RDH16: variants seen among roughly 807,000 people sequenced by gnomAD.
RDH16 encodes the protein retinol dehydrogenase 16.
Under a neutral mutation model 22.3 loss-of-function variants are expected in RDH16, and 25 were observed. The ratio of observed to expected loss-of-function variants is 1.12; its 90% CI spans 0.82 to 1.56. RDH16 has a LOEUF of 1.56. Ranked by LOEUF, RDH16 falls within the 40% of genes most tolerant of loss-of-function variation. The pLI, the probability that RDH16 is intolerant of heterozygous loss-of-function variation, is 0.00. For synonymous variants in RDH16, 154 were observed against 164.4 expected (o/e 0.94, Z 0.48); for missense variants, 413 against 394.9 (o/e 1.05, Z -0.39).
At position 56,954,937 on chromosome 12, in the gene RDH16, A is replaced by G. The variant is rs1411321770; in HGVS notation, c.541T>C (p.Tyr181His). The G allele has an allele frequency of 7.4e-6, 12 of 1,614,056 alleles. No individual in the cohort carries two copies. The highest frequency in any genetic ancestry group is 7.6e-6 in the Non-Finnish European group (9 of 1,180,040). The change falls in exon 2 of 4, where the codon TAT becomes CAT. Residue 181 changes from tyrosine to histidine, a missense_variant. Tyr to His is a moderately conservative substitution (Grantham distance 83). Transcript: ENST00000398138. ...GAGTCAGAGAAGGCTTCCACGCCATACTTGGAGATGCAGTAGCCTCCACCA... is the reference window on the plus strand; with the variant it reads ...GAGTCAGAGAAGGCTTCCACGCCATGCTTGGAGATGCAGTAGCCTCCACCA... ...LFGGGYCISK[Y>H]GVEAFSDSLR...
In RDH16 at chr12:56,951,885, T is replaced by C. The variant is rs114061969; in HGVS notation, c.*144A>G. ...AGAGCAGAATTATCTCCCAGGAGAA[T>C]CATGGCCAGGAGGTAATGAAGGAGG... On this transcript the variant is annotated 3_prime_UTR_variant, in exon 4 of 4. Transcript: ENST00000398138. The C allele has an allele frequency of 3.7e-4, 239 of 649,436 alleles. 2 individuals are homozygous for C. The African/African-American group carries it at 3.7e-3, about 10-fold the overall frequency. 40.2% of individuals were successfully genotyped at this position (649,436 alleles called of 1,614,324 possible).
Position 56,957,380 on chromosome 12 carries a change from C to T in RDH16, c.83G>A (p.Arg28Lys), listed in dbSNP as rs773231549. Reference protein sequence around the residue: ...YRERQVLSHLRDKYVFITGCD... With the variant: ...YRERQVLSHLKDKYVFITGCD... The stretch of plus-strand genomic sequence containing the variant: ...GCCCGTGATGAACACATACTTATCT[C>T]TCAGGTGGCTCAGCACCTGCCTCTC... Residue 28 changes from arginine (R) to lysine (K), a missense_variant, in exon 1 of 4, where the codon AGA becomes AAA. Coordinates refer to ENST00000398138, the MANE Select transcript of RDH16 (RefSeq NM_003708.5). The T allele has an allele frequency of 2.5e-6, 4 of 1,614,160 alleles. No individual in the cohort carries two copies. Among genetic ancestry groups the T allele is most frequent in the South Asian group, 1.1e-5 (1 of 91,072 alleles).
chr12:56,954,570 C>T (rs1370250070), intron 2 of RDH16, among the ~76,000 whole-genome samples: 1 of 152,174 alleles, frequency 6.6e-6, no homozygotes, highest in Admixed American at 6.5e-5. Flanking sequence ...TTGGTAACCT[C>T]AGTACTGTGT....
chr12:56,952,299 C>T, intron 3 of RDH16, 53 bp from the exon 4 acceptor site: 1 of 1,537,354 alleles, frequency 6.5e-7, no homozygotes. Context: ...ACCGCTCCTG[C>T]TTTGGATTCA....
At chr12:56,954,221 TTG>T (rs1410238585) in intron 2 of RDH16, among the ~76,000 whole-genome samples, 1 of 152,232 alleles carries the variant, frequency 6.6e-6, no homozygotes. Context: ...CTGCATGAGC[TTG>T]TGTGTGTCCG....
rs772411066 is a variant in RDH16 at position 56,957,174 on chromosome 12, C to G, written c.289G>C (p.Val97Leu). The change falls in exon 1 of 4, where the codon GTG becomes CTG. Residue 97 changes from valine to leucine, a missense_variant. By Grantham distance (32) the Val-to-Leu change is conservative. Transcript: ENST00000398138. ...CCTTTGTCTCTCACGCACTCCTTCA[C>G]CCACTGGGCGGCTGCAGCAACGCTC... is the stretch of plus-strand genomic sequence containing the variant. The part of the protein sequence containing the change: ...TESVAAAAQW[V>L]KECVRDKGLW... 1 of 1,613,046 alleles carries G rather than the reference C, an allele frequency of 6.2e-7. No homozygotes were observed. Among genetic ancestry groups the G allele is most frequent in the Non-Finnish European group, 8.5e-7 (1 of 1,179,168 alleles).
chr12:56,956,568 TATA>T (rs372030531), intron 1 of RDH16, among the ~76,000 whole-genome samples: 18 of 152,296 alleles, frequency 1.2e-4, no homozygotes, highest in African/African-American at 4.3e-4. Flanking sequence ...TTTCTTCCTC[TATA>T]ATAAGACAGA....
chr12:56,955,298 C>G, intron 1 of RDH16, 134 bp from the exon 2 acceptor site: 1 of 1,067,624 alleles, frequency 9.4e-7, no homozygotes, highest in South Asian at 1.5e-5. Flanking sequence ...GTATAACAAA[C>G]ACCACAGTAT....
rs751697623 is a variant in RDH16 at position 56,952,823 on chromosome 12, T to C, written c.736+4A>G. The C allele has an allele frequency of 1.2e-6, 2 of 1,612,182 alleles. 1 individual carries two copies. The highest frequency in any genetic ancestry group is 2.2e-5 in the South Asian group (2 of 90,684). On this transcript the variant is annotated splice_donor_region_variant and intron_variant, in intron 3 of 3. Coordinates refer to ENST00000398138, the MANE Select transcript of RDH16 (RefSeq NM_003708.5). ...TCTCTCCCCACTGTCCACAGCTTACTCACAGTCTGCAACAAACTTCTCGCC... is the reference window on the plus strand; with the variant it reads ...TCTCTCCCCACTGTCCACAGCTTACCCACAGTCTGCAACAAACTTCTCGCC...
At position 56,954,983 on chromosome 12, in the gene RDH16, G is replaced by C; in HGVS notation, c.495C>G (p.Val165=). 6.2e-7 allele frequency: 1 copy of C among 1,614,170 alleles called. No homozygotes were observed. Residue 165 remains valine, a synonymous_variant, in exon 2 of 4, where the codon GTC becomes GTG. Transcript: ENST00000398138. Reference sequence around the variant, plus strand: ...CACCAAAAAGTGACACCCGGCCCATGACACTGGAGACGTTGACCACACGGC... The same window carrying C: ...CACCAAAAAGTGACACCCGGCCCATCACACTGGAGACGTTGACCACACGGC... ...ARGRVVNVSS[V]MGRVSLFGGG... is the part of the protein sequence containing the mutation.
In RDH16 at chr12:56,957,176, C is replaced by T. The variant is rs1227216028; in HGVS notation, c.287G>A (p.Trp96Ter). 6.2e-7 allele frequency: 1 copy of T among 1,613,158 alleles called. No individual in the cohort carries two copies. The highest frequency in any genetic ancestry group is 1.1e-5 in the South Asian group (1 of 91,018). Reference protein sequence around the residue: ...KTESVAAAAQWVKECVRDKGL... With the variant: ...KTESVAAAAQ ...TTTGTCTCTCACGCACTCCTTCACC[C>T]ACTGGGCGGCTGCAGCAACGCTCTC... The change falls in exon 1 of 4, where the codon TGG (tryptophan) becomes TAG (stop). Residue 96 changes from tryptophan to a stop codon, truncating the protein, a stop_gained. Coordinates refer to ENST00000398138, the MANE Select transcript of RDH16 (RefSeq NM_003708.5). LOFTEE classifies it high-confidence loss of function.
rs369959890 is a variant in RDH16, at chr12:56,955,070, C to G, written c.408G>C (p.Val136=). 196 of 1,614,152 alleles carry G rather than the reference C, an allele frequency of 1.2e-4. No homozygotes were observed. The highest frequency in any genetic ancestry group is 5.3e-5 in the Non-Finnish European group (62 of 1,180,040). The change falls in exon 2 of 4, where the codon GTG becomes GTC. Residue 136 remains valine, a synonymous_variant. Transcript: ENST00000398138. ...TCACATCAATCACCCCCAACAAGTT[C>G]ACGTCCAGTATGGTCACGAAGTCCT... is the stretch of plus-strand genomic sequence containing the variant. ...TKQDFVTILD[V]NLLGVIDVTL...
At position 56,951,958 on chromosome 12, in the gene RDH16, A is replaced by G; in HGVS notation, c.*71T>C. ...GGACGGCTCCCTCCCTCCACTTTAT[A>G]TCTCTCCCAAGGATACACCACCCCT... On this transcript the variant is annotated 3_prime_UTR_variant, in exon 4 of 4. Transcript: ENST00000398138. The G allele has an allele frequency of 1.1e-5, 16 of 1,392,908 alleles. 1 individual carries two copies. The South Asian group carries it at 1.6e-4, about 14-fold the overall frequency. 86.3% of individuals were successfully genotyped at this position (1,392,908 alleles called of 1,614,324 possible). A position where few individuals can be genotyped will look rare whatever the true frequency, so the allele number is the denominator to read the frequency against.
intron 1 of RDH16, among the ~76,000 whole-genome samples, chr12:56,955,490 C>T (rs539475480): frequency 3.9e-5 from 6 of 152,244 alleles, no homozygotes; most frequent in South Asian, 2.1e-4. Flanking sequence ...ACATGAAGAC[C>T]AATGTTTGGT....
intron 2 of RDH16, among the ~76,000 whole-genome samples, chr12:56,953,307 C>A (rs1346071462): frequency 6.6e-6 from 1 of 152,308 alleles, no homozygotes; most frequent in Admixed American, 6.5e-5. Context: ...ATTTTGCCTC[C>A]TCTCCAGTCC....
At chr12:56,953,206 C>T (rs1955899124) in intron 2 of RDH16, among the ~76,000 whole-genome samples, 1 of 152,146 alleles carries the variant, frequency 6.6e-6, no homozygotes, top group Non-Finnish European at 1.5e-5. Context: ...AGCTTACTAG[C>T]CCTAAATCCT....
chr12:56,955,284 G>A, intron 1 of RDH16, 120 bp from the exon 2 acceptor site: 8 of 1,253,106 alleles, frequency 6.4e-6, no homozygotes, highest in Admixed American at 2.1e-5. Flanking sequence ...GGATGGGGAG[G>A]AGGGTATAAC....
intron 2 of RDH16, among the ~76,000 whole-genome samples, chr12:56,954,001 C>T (rs1955905059): frequency 6.6e-6 from 1 of 152,208 alleles, no homozygotes; most frequent in African/African-American, 2.4e-5. Flanking sequence ...CTCAGATGCT[C>T]TACCCATCGT....
Position 56,957,107 on chromosome 12 carries a change from C to T in RDH16, c.313+43G>A, listed in dbSNP as rs201562611. 159 of 1,561,730 alleles carry T rather than the reference C, an allele frequency of 1.0e-4. No individual in the cohort carries two copies. In the East Asian group the frequency reaches 2.8e-3, roughly 27 times the overall value. On this transcript the variant is annotated intron_variant, in intron 1 of 3. Coordinates refer to ENST00000398138, the MANE Select transcript of RDH16 (RefSeq NM_003708.5). ...GCAGACAGGAGGTGGTCCCTTCACA[C>T]AGAGGGAAGACACAGACAGACTTGA...
Sources: gnomAD v4.1 joint callset for allele counts (sites outside exome capture counted in the v4.1 genomes callset) on GRCh38, gnomAD v4.1.1 for gene constraint, MANE v1.5 for transcripts, NCBI Gene and HGNC (gene_info 2026-07-23, HGNC 2026-07-21) for gene names.